MGAM2: variants seen among roughly 807,000 people sequenced by gnomAD.
The protein encoded by MGAM2 is maltase-glucoamylase 2 (putative), also known as probable maltase-glucoamylase 2.
MGAM2 carries 98 observed loss-of-function variants against 96.1 expected under a neutral mutation model. That is an observed-to-expected ratio of 1.02 (90% CI 0.87 to 1.21). MGAM2 has a LOEUF of 1.21. Ranked by LOEUF, MGAM2 falls within the 50% of genes most tolerant of loss-of-function variation. MGAM2 has a pLI of 0.00. For synonymous variants in MGAM2, 749 were observed against 414.8 expected, an observed-to-expected ratio of 1.81 and a Z score of -9.79; for missense variants, 2,055 against 1,182.4, an observed-to-expected ratio of 1.74 and a Z score of -10.82.
intron 23 of MGAM2, among the ~76,000 whole-genome samples, chr7:142,162,828 A>T (rs1426958400): frequency 6.6e-6 from 1 of 151,676 alleles, no homozygotes; most frequent in Non-Finnish European, 1.5e-5. Context: ...CATCTTATAA[A>T]CCTATAGCAC....
rs10232904 is a variant in MGAM2 at position 142,134,702 on chromosome 7, T to C, written c.747+550T>C. The stretch of plus-strand genomic sequence containing the variant: ...TTGCAAGATCCCCAGGTGACTCACA[T>C]TCATATGAAAGTGGGAGAAAGACTG... On this transcript the variant is annotated intron_variant, in intron 7 of 47. Coordinates refer to ENST00000477922, the MANE Select transcript of MGAM2 (RefSeq NM_001293626.2). 1.7e-3 allele frequency among the ~76,000 whole-genome samples: 265 copies of C among 152,030 alleles called. 1 individual carries two copies. Among genetic ancestry groups the C allele is most frequent in the African/African-American group, 6.1e-3 (254 of 41,470 alleles).
At chr7:142,174,715 CTTT>C (rs34480300) in intron 31 of MGAM2, among the ~76,000 whole-genome samples, 9 of 85,444 alleles carry the variant, frequency 1.1e-4, no homozygotes, top group South Asian at 5.4e-4. Context: ...CTCTCTCTCT[CTTT>C]TTTTTTTTTT....
At position 142,220,861 on chromosome 7, in the gene MGAM2, C is replaced by A; in HGVS notation, c.6350C>A (p.Thr2117Asn). Residue 2117 changes from threonine to asparagine, a missense_variant, in exon 48 of 48, where the codon ACT (threonine) becomes AAT (asparagine). By Grantham distance (65) the Thr-to-Asn change is moderately conservative. Coordinates refer to ENST00000477922, the MANE Select transcript of MGAM2 (RefSeq NM_001293626.2). ...TSTADATISTTVLIATTSSLT... is the reference protein window; with the variant it reads ...TSTADATISTNVLIATTSSLT... Reference sequence around the variant, plus strand: ...ACTGCTGATGCCACCATTAGTACTACTGTACTTATTGCCACTACTTCTTCT... The same window carrying A: ...ACTGCTGATGCCACCATTAGTACTAATGTACTTATTGCCACTACTTCTTCT... 1 of 702,118 alleles carries A rather than the reference C, an allele frequency of 1.4e-6. No individual in the cohort carries two copies. Among genetic ancestry groups the A allele is most frequent in the Non-Finnish European group, 2.6e-6 (1 of 384,750 alleles). 43.5% of individuals were successfully genotyped at this position (702,118 alleles called of 1,614,324 possible). A position where few individuals can be genotyped will look rare whatever the true frequency, so the allele number is the denominator to read the frequency against.
At chr7:142,197,589 T>A (rs1375061659) in intron 41 of MGAM2, 41 bp downstream of exon 41, 5 of 702,952 alleles carry the variant, frequency 7.1e-6, no homozygotes, top group Middle Eastern at 2.3e-4. Context: ...TTGCAAATAA[T>A]CCTCTGTAGC....
chr7:142,147,415 G>C, intron 14 of MGAM2, 41 bp from the exon 15 acceptor site: 1 of 682,542 alleles, frequency 1.5e-6, no homozygotes, highest in Non-Finnish European at 2.7e-6. Context: ...GTTAAAGATG[G>C]TTAATGAGGA....
chr7:142,176,108 A>AAG (rs1554509686), intron 32 of MGAM2, among the ~76,000 whole-genome samples: 1 of 114,920 alleles, frequency 8.7e-6, no homozygotes, highest in East Asian at 2.8e-4. Flanking sequence ...AAAAAAAAAA[A>AAG]GGGGGGGGCA....
At chr7:142,200,024 AGGCTCGGC>A (rs1797175049) in intron 45 of MGAM2, 56 bp downstream of exon 45, 2 of 605,868 alleles carry the variant, frequency 3.3e-6, no homozygotes, top group African/African-American at 3.8e-5. Flanking sequence ...CATACCATAG[AGGCTCGGC>A]ATATAACTAA....
chr7:142,131,132 G>A (rs1563250868), intron 4 of MGAM2, 61 bp downstream of exon 4: 1 of 678,326 alleles, frequency 1.5e-6, no homozygotes, highest in Non-Finnish European at 2.7e-6. Flanking sequence ...TACGTTAACT[G>A]CAAAATAAAA....
At position 142,149,762 on chromosome 7, in the gene MGAM2, C is replaced by A. The variant is rs577613563; in HGVS notation, c.1634+2189C>A. On this transcript the variant is annotated intron_variant, in intron 15 of 47. Transcript: ENST00000477922. ...TTCACAGCGTTAGCCAGGATGGTCT[C>A]CATCTCCTGACCTCATGATTCACCC... Among the ~76,000 whole-genome samples, 30 of 151,768 alleles carry A rather than the reference C, an allele frequency of 2.0e-4. No homozygotes were observed. In the East Asian group the frequency reaches 4.9e-3, roughly 25 times the overall value.
rs1796683747 is a variant in MGAM2, at chr7:142,185,980, T to C, written c.3988-9T>C. On this transcript the variant is annotated splice_polypyrimidine_tract_variant and intron_variant, in intron 34 of 47. Coordinates refer to ENST00000477922, the MANE Select transcript of MGAM2 (RefSeq NM_001293626.2). Reference sequence around the variant, plus strand: ...ACCCCGACAATGAGAGTGTGTGTTATTCTTACAGCTTTACAGGGCCTACGT... The same window carrying C: ...ACCCCGACAATGAGAGTGTGTGTTACTCTTACAGCTTTACAGGGCCTACGT... 2.8e-6 allele frequency: 2 copies of C among 703,020 alleles called. No homozygotes were observed. Among genetic ancestry groups the C allele is most frequent in the South Asian group, 1.5e-5 (1 of 67,578 alleles). The allele number at this position is 703,020 out of a possible 1,614,324, so 43.5% of individuals were successfully genotyped here.
chr7:142,189,980 C>T (rs1796819401), intron 37 of MGAM2, among the ~76,000 whole-genome samples: 1 of 152,094 alleles, frequency 6.6e-6, no homozygotes, highest in Non-Finnish European at 1.5e-5. Flanking sequence ...TATGTTGTAG[C>T]ATGTATCAGT....
At chr7:142,169,792 C>T (rs1394298293) in intron 26 of MGAM2, among the ~76,000 whole-genome samples, 1 of 152,170 alleles carries the variant, frequency 6.6e-6, no homozygotes, top group Non-Finnish European at 1.5e-5. Context: ...AACATATACA[C>T]ACACATTCTA....
chr7:142,198,780 C>T (rs770931016), intron 44 of MGAM2, 41 bp downstream of exon 44: 24 of 683,386 alleles, frequency 3.5e-5, no homozygotes, highest in South Asian at 1.1e-4. Flanking sequence ...CTTGCTATAC[C>T]GTAATGAGGA....
At chr7:142,210,164 A>T (rs1005830162) in intron 46 of MGAM2, among the ~76,000 whole-genome samples, 2 of 152,210 alleles carry the variant, frequency 1.3e-5, no homozygotes, top group African/African-American at 4.8e-5. Context: ...TATCTGGCCC[A>T]GATACTACAC....
intron 40 of MGAM2, 49 bp downstream of exon 40, chr7:142,196,865 C>T (rs773671858): frequency 8.2e-6 from 6 of 727,942 alleles, no homozygotes; most frequent in Admixed American, 1.9e-5. Context: ...CAAATCATAA[C>T]TTCTTTTTAA....
In MGAM2 at chr7:142,137,539, C is replaced by T; in HGVS notation, c.954C>T (p.Tyr318=). The change falls in exon 9 of 48, where the codon TAC becomes TAT. Residue 318 remains tyrosine, a synonymous_variant. Transcript: ENST00000477922. The stretch of plus-strand genomic sequence containing the variant: ...CTCCAGAACAAGTGGTTCAGGAATA[C>T]TTGGAGGTATGTCTTTGCATTTAGA... ...GNTPEQVVQE[Y]LELVGRPFFP... is the part of the protein sequence containing the mutation. 2.9e-6 allele frequency: 2 copies of T among 697,570 alleles called. No individual in the cohort carries two copies. The highest frequency in any genetic ancestry group is 5.4e-5 in the East Asian group (2 of 37,048). 43.2% of individuals were successfully genotyped at this position (697,570 alleles called of 1,614,324 possible). A position where few individuals can be genotyped will look rare whatever the true frequency, so the allele number is the denominator to read the frequency against.
chr7:142,133,874 G>A (rs1396311084), intron 6 of MGAM2, 107 bp from the exon 7 acceptor site: 3 of 500,912 alleles, frequency 6.0e-6, no homozygotes, highest in Admixed American at 3.6e-5. Flanking sequence ...AATTGCTAAC[G>A]CCTGAAACAA....
intron 3 of MGAM2, among the ~76,000 whole-genome samples, chr7:142,128,566 A>T (rs1369206949): frequency 4.6e-5 from 7 of 152,190 alleles, no homozygotes; most frequent in Non-Finnish European, 1.0e-4. Context: ...TGCTCTGTGC[A>T]GCCTAGGGAC....
intron 1 of MGAM2, among the ~76,000 whole-genome samples, chr7:142,113,527 T>C (rs1195535896): frequency 9.7e-6 from 1 of 102,676 alleles, no homozygotes; most frequent in Admixed American, 1.0e-4. Context: ...GATTCCTAGG[T>C]TTTTTTTTTA....
Sources: allele counts gnomAD v4.1 joint callset (sites outside exome capture counted in the v4.1 genomes callset), GRCh38; gene constraint gnomAD v4.1.1; transcripts MANE v1.5; gene names NCBI Gene and HGNC (gene_info 2026-07-23, HGNC 2026-07-21).